Variants in EYS observed in about 807,000 individuals in gnomAD.
EYS encodes the protein protein eyes shut homolog.
In EYS, 250 loss-of-function variants were observed where a neutral mutation model predicts 282.1. That is an observed-to-expected ratio of 0.89 (90% CI 0.80 to 0.98). The LOEUF (loss-of-function observed/expected upper bound fraction) is 0.98. Among genes scored for constraint, EYS ranks in the 50% least tolerant of loss-of-function variants. EYS has a pLI of 0.00. For missense variants in EYS, 4,016 were observed against 3,709.0 expected (o/e 1.08, Z -2.15); for synonymous variants, 1,355 against 1,282.9 (o/e 1.06, Z -1.20).
intron 5 of EYS, among the ~76,000 whole-genome samples, chr6:65,436,735 T>C (rs559507349): frequency 6.6e-6 from 1 of 152,228 alleles, no homozygotes; most frequent in South Asian, 2.1e-4. Context: ...ATACCTTCAA[T>C]AAATAATTAG....
intron 31 of EYS, among the ~76,000 whole-genome samples, chr6:64,165,440 A>T (rs1277451084): frequency 6.6e-6 from 1 of 152,092 alleles, no homozygotes; most frequent in Admixed American, 6.5e-5. Context: ...TCTTAAAATT[A>T]TGTATACTAA....
At position 65,559,591 on chromosome 6, in the gene EYS, C is replaced by A. The variant is rs1468261861; in HGVS notation, c.-332-63598G>T. The stretch of plus-strand genomic sequence containing the variant: ...TAACCAAACCCAAACAGGAATAACT[C>A]AATCTCAGTTAACTATTAATAAAGT... On this transcript the variant is annotated intron_variant, in intron 2 of 42. Coordinates refer to ENST00000503581, the MANE Select transcript of EYS (RefSeq NM_001142800.2). Among the ~76,000 whole-genome samples, 4 of 152,004 alleles carry A rather than the reference C, an allele frequency of 2.6e-5. No individual in the cohort carries two copies. In the East Asian group the frequency reaches 5.8e-4, roughly 22 times the overall value.
At chr6:64,352,502 C>T (rs1487570252) in intron 29 of EYS, among the ~76,000 whole-genome samples, 1 of 151,492 alleles carries the variant, frequency 6.6e-6, no homozygotes, top group African/African-American at 2.4e-5. Flanking sequence ...CTTCTCTCCC[C>T]ACTAACCTAT....
chr6:63,923,453 T>C lies in EYS; in HGVS notation c.7056-59095A>G, dbSNP rs182057823. ...TAAAATTATAGGTTATATTTCTTTT[T>C]TAAAGATGCTAATTAGAAAAGAAAA... On this transcript the variant is annotated intron_variant, in intron 35 of 42. Transcript: ENST00000503581. 4.8e-3 allele frequency among the ~76,000 whole-genome samples: 735 copies of C among 152,304 alleles called. 5 individuals carry two copies. Among genetic ancestry groups the C allele is most frequent in the African/African-American group, 0.017 (704 of 41,572 alleles).
intron 41 of EYS, among the ~76,000 whole-genome samples, chr6:63,739,622 A>G (rs1769021353): frequency 6.6e-6 from 1 of 152,072 alleles, no homozygotes; most frequent in Non-Finnish European, 1.5e-5. Context: ...TGCATTATGT[A>G]CCATAACATT....
intron 30 of EYS, among the ~76,000 whole-genome samples, chr6:64,252,259 A>C (rs986429332): frequency 6.6e-6 from 1 of 152,020 alleles, no homozygotes; most frequent in Non-Finnish European, 1.5e-5. Flanking sequence ...TCTTTCATTG[A>C]TGCCTTCCTA....
intron 28 of EYS, among the ~76,000 whole-genome samples, chr6:64,423,277 T>C (rs937465023): frequency 6.6e-6 from 1 of 152,250 alleles, no homozygotes; most frequent in Non-Finnish European, 1.5e-5. Flanking sequence ...TCAAGTAAGA[T>C]GTCACATGCT....
At chr6:64,441,640 T>C (rs1041188602) in intron 26 of EYS, among the ~76,000 whole-genome samples, 1 of 152,118 alleles carries the variant, frequency 6.6e-6, no homozygotes, top group African/African-American at 2.4e-5. Flanking sequence ...TTCCCATGTG[T>C]TGTGGGAGGG....
chr6:65,033,009 T>G (rs1053299116), intron 13 of EYS, among the ~76,000 whole-genome samples: 1 of 152,184 alleles, frequency 6.6e-6, no homozygotes, highest in African/African-American at 2.4e-5. Flanking sequence ...AGGTCACATG[T>G]GTTATGCCCT....
chr6:64,734,124 G>GAA (rs5876917), intron 22 of EYS, among the ~76,000 whole-genome samples: 2,960 of 147,634 alleles, frequency 0.02, 88 homozygotes, highest in African/African-American at 0.067. Context: ...TATTTTAAGG[G>GAA]AAAAAAAAAA....
intron 8 of EYS, among the ~76,000 whole-genome samples, chr6:65,370,283 C>T (rs1300331992): frequency 4.3e-5 from 5 of 115,158 alleles, no homozygotes; most frequent in Non-Finnish European, 6.7e-5. Context: ...GAAACAGGAT[C>T]TTACTCTATT....
chr6:63,726,381 A>G (rs1434322834), intron 42 of EYS, 138 bp downstream of exon 42: 1 of 739,386 alleles, frequency 1.4e-6, no homozygotes, highest in Non-Finnish European at 2.1e-6. Flanking sequence ...ATTCATACGC[A>G]TACACTTGCA....
rs573100579 is a variant in EYS at position 64,690,657 on chromosome 6, G to C, written c.3444-64412C>G. ...ATGGAATACTATGCAGCCATAAAAA[G>C]GATGAGTTTATGTCCTTTGTAGGGA... On this transcript the variant is annotated intron_variant, in intron 22 of 42. Transcript: ENST00000503581. Among the ~76,000 whole-genome samples the C allele has an allele frequency of 6.6e-5, 10 of 152,216 alleles. No homozygotes were observed. The South Asian group carries it at 1.9e-3, about 28-fold the overall frequency.
chr6:63,939,315 G>T (rs575992460), intron 35 of EYS, among the ~76,000 whole-genome samples: 2 of 152,022 alleles, frequency 1.3e-5, no homozygotes, highest in East Asian at 1.9e-4. Flanking sequence ...TGATAAAGAC[G>T]CAGGAAAGTC....
At chr6:64,531,534 C>T (rs1223159967) in intron 26 of EYS, among the ~76,000 whole-genome samples, 1 of 121,610 alleles carries the variant, frequency 8.2e-6, no homozygotes, top group East Asian at 2.9e-4. Flanking sequence ...CTGCAAGTGC[C>T]CGCCACCACG....
chr6:63,900,736 AT>A (rs955785449), intron 35 of EYS, among the ~76,000 whole-genome samples: 24 of 151,814 alleles, frequency 1.6e-4, no homozygotes, highest in African/African-American at 5.8e-4. Flanking sequence ...GAAAGCTCTG[AT>A]TTTTTTTTCT....
chr6:64,063,723 G>T (rs180720467), intron 33 of EYS, among the ~76,000 whole-genome samples: 83 of 151,946 alleles, frequency 5.5e-4, no homozygotes, highest in African/African-American at 1.9e-3. Context: ...CTAGCATAGG[G>T]TTTTGTTTTA....
intron 11 of EYS, among the ~76,000 whole-genome samples, chr6:65,328,892 T>C (rs1769698918): frequency 6.6e-6 from 1 of 151,232 alleles, no homozygotes; most frequent in African/African-American, 2.4e-5. Context: ...TGCATTAATA[T>C]GGTCAACAAA....
intron 33 of EYS, 71 bp downstream of exon 33, chr6:64,066,267 G>T: frequency 7.4e-7 from 1 of 1,346,322 alleles, no homozygotes; most frequent in South Asian, 1.3e-5. Context: ...GACAGAGCAA[G>T]ACTCCATCTC....
Sources: allele counts gnomAD v4.1 joint callset (sites outside exome capture counted in the v4.1 genomes callset), GRCh38; gene constraint gnomAD v4.1.1; transcripts MANE v1.5; gene names NCBI Gene and HGNC (gene_info 2026-07-23, HGNC 2026-07-21).